The following SNX16 variants were observed in gnomAD, a reference collection of about 807,000 sequenced individuals.
The protein encoded by SNX16 is sorting nexin-16.
A neutral mutation model predicts 36.7 loss-of-function variants in SNX16; 35 were observed. The observed-to-expected ratio is 0.95, with a 90% confidence interval of 0.73 to 1.27. The LOEUF (loss-of-function observed/expected upper bound fraction) is 1.27. SNX16 is among the 50% of genes most tolerant of loss of function. The probability of loss-of-function intolerance (pLI) is 0.00; values close to 1 mark genes in which losing one functional copy is unlikely to be tolerated. For missense variants in SNX16, 367 were observed against 393.6 expected, an observed-to-expected ratio of 0.93 and a Z score of 0.57; for synonymous variants, 134 against 132.0, an observed-to-expected ratio of 1.02 and a Z score of -0.10.
intron 4 of SNX16, among the ~76,000 whole-genome samples, chr8:81,816,163 C>A (rs1810474683): frequency 2.0e-5 from 3 of 150,320 alleles, no homozygotes. Flanking sequence ...TTACAAATTT[C>A]CTTTTACAAA....
intron 5 of SNX16, among the ~76,000 whole-genome samples, chr8:81,809,945 C>T (rs1216443767): frequency 1.3e-5 from 2 of 152,050 alleles, no homozygotes; most frequent in African/African-American, 4.8e-5. Flanking sequence ...CATTGGAAGG[C>T]TATATTGATA....
At chr8:81,815,272 T>C in intron 5 of SNX16, 53 bp downstream of exon 5, 1 of 1,304,792 alleles carries the variant, frequency 7.7e-7, no homozygotes, top group South Asian at 1.4e-5. Context: ...AATGTAGTTA[T>C]TGTACTGCAT....
chr8:81,822,771 C>G (rs1810805440), intron 4 of SNX16, among the ~76,000 whole-genome samples: 1 of 151,708 alleles, frequency 6.6e-6, no homozygotes, highest in Non-Finnish European at 1.5e-5. Flanking sequence ...TTTGAGATAT[C>G]TGAAGATGTC....
chr8:81,808,373 C>T, intron 5 of SNX16: 1 of 1,308,914 alleles, frequency 7.6e-7, no homozygotes. Context: ...GTTCTGGAAA[C>T]TTTGGTGGTG....
chr8:81,821,618 G>A (rs1810747041), intron 4 of SNX16, among the ~76,000 whole-genome samples: 1 of 151,660 alleles, frequency 6.6e-6, no homozygotes. Flanking sequence ...CTTTTGAGAT[G>A]TAATATATAT....
intron 4 of SNX16, among the ~76,000 whole-genome samples, chr8:81,815,911 C>T (rs1810463959): frequency 6.6e-6 from 1 of 152,134 alleles, no homozygotes; most frequent in South Asian, 2.1e-4. Flanking sequence ...AAAATTCTAA[C>T]CATCCTATCT....
intron 4 of SNX16, 55 bp downstream of exon 4, chr8:81,823,737 T>G: frequency 6.9e-7 from 1 of 1,451,990 alleles, no homozygotes; most frequent in Middle Eastern, 2.4e-4. Flanking sequence ...TATTCTTTAA[T>G]TTACGCCAGT....
chr8:81,827,705 A>G (rs1470293899), intron 3 of SNX16, among the ~76,000 whole-genome samples: 1 of 152,168 alleles, frequency 6.6e-6, no homozygotes, highest in Non-Finnish European at 1.5e-5. Flanking sequence ...AGTGGCAGAA[A>G]AATTTGGCAG....
At chr8:81,802,185 C>A (rs1194532226) in intron 7 of SNX16, among the ~76,000 whole-genome samples, 195 bp downstream of exon 7, 6 of 151,546 alleles carry the variant, frequency 4.0e-5, no homozygotes, top group African/African-American at 1.5e-4. Context: ...GTCAAAGACA[C>A]TTTTTATTTT....
intron 3 of SNX16, among the ~76,000 whole-genome samples, chr8:81,827,942 C>G (rs1332609384): frequency 6.6e-6 from 1 of 152,172 alleles, no homozygotes; most frequent in African/African-American, 2.4e-5. Context: ...GAACTGCTTG[C>G]TTCTTTTAGA....
chr8:81,825,249 CT>C (rs1810958011), intron 3 of SNX16, among the ~76,000 whole-genome samples: 1 of 152,178 alleles, frequency 6.6e-6, no homozygotes, highest in Non-Finnish European at 1.5e-5. Context: ...ACTAAACATA[CT>C]GCTGTGGCCA....
intron 5 of SNX16, 110 bp from the exon 6 acceptor site, chr8:81,803,338 A>T: frequency 4.7e-6 from 5 of 1,071,776 alleles, no homozygotes; most frequent in Non-Finnish European, 6.5e-6. Context: ...GAACACAGAT[A>T]ATCAAAATAA....
intron 2 of SNX16, among the ~76,000 whole-genome samples, chr8:81,838,659 G>T (rs375946568): frequency 1.3e-5 from 2 of 150,622 alleles, no homozygotes; most frequent in South Asian, 4.2e-4. Context: ...AAATGTGAAA[G>T]GTCCAACAAT....
chr8:81,813,932 T>C (rs1034454092), intron 5 of SNX16, among the ~76,000 whole-genome samples: 12 of 151,998 alleles, frequency 7.9e-5, no homozygotes, highest in African/African-American at 2.7e-4. Context: ...CAAATGTTTG[T>C]GAGGACATAG....
Position 81,815,349 on chromosome 8 carries a change from T to C in SNX16, c.657A>G (p.Pro219=), listed in dbSNP as rs767707478. 5.6e-6 allele frequency: 9 copies of C among 1,612,784 alleles called. No individual in the cohort carries two copies. Among genetic ancestry groups the C allele is most frequent in the African/African-American group, 2.7e-5 (2 of 74,982 alleles). The change falls in exon 5 of 8, where the codon CCA becomes CCG. Residue 219 remains proline, a synonymous_variant. Coordinates refer to ENST00000345957, the MANE Select transcript of SNX16 (RefSeq NM_152836.3). The part of the protein sequence containing the change: ...EFLCLDDPPG[P]FDSLEESRAF... ...CCCTGCTTTCTTCTAGGCTATCAAA[T>C]GGACCCGGTGGATCATCCAAACAAA...
chr8:81,829,521 G>T lies in SNX16; in HGVS notation c.376-5C>A. 3 of 1,274,318 alleles carry T rather than the reference G, an allele frequency of 2.4e-6. No homozygotes were observed. Among genetic ancestry groups the T allele is most frequent in the Non-Finnish European group, 3.1e-6 (3 of 959,830 alleles). 78.9% of individuals were successfully genotyped at this position (1,274,318 alleles called of 1,614,324 possible). A position where few individuals can be genotyped will look rare whatever the true frequency, so the allele number is the denominator to read the frequency against. ...CTTTACTAGTATTTTATATACCTAT[G>T]CACAGGAAGAAAAACAGACGGAGAG... On this transcript the variant is annotated splice_region_variant and splice_polypyrimidine_tract_variant and intron_variant, in intron 2 of 7. Transcript: ENST00000345957.
rs1809645667 is a variant in SNX16, at chr8:81,800,692, TTAGA to T, written c.*801_*804del. 6.6e-6 allele frequency: 1 copy of T among 152,220 alleles called. No homozygotes were observed. 9.4% of individuals were successfully genotyped at this position (152,220 alleles called of 1,614,324 possible). A position where few individuals can be genotyped will look rare whatever the true frequency, so the allele number is the denominator to read the frequency against. ...CTTTTTTGTATAAGCCCCTATTTATTTAGAATCTATATTTTCGAAAGAATATGCC... is the reference window on the plus strand; with the variant it reads ...CTTTTTTGTATAAGCCCCTATTTATTATCTATATTTTCGAAAGAATATGCC... On this transcript the variant is annotated 3_prime_UTR_variant, in exon 8 of 8. Transcript: ENST00000345957.
At chr8:81,805,524 T>C (rs1221337543) in intron 5 of SNX16, among the ~76,000 whole-genome samples, 2 of 152,128 alleles carry the variant, frequency 1.3e-5, no homozygotes, top group Non-Finnish European at 2.9e-5. Flanking sequence ...ACTATTAAAA[T>C]ACACCAAATC....
At chr8:81,803,514 T>C (rs537400640) in intron 5 of SNX16, among the ~76,000 whole-genome samples, 105 of 152,112 alleles carry the variant, frequency 6.9e-4, no homozygotes, top group Middle Eastern at 3.4e-3. Context: ...ATCCCTCTAG[T>C]GTAGAACTGG....
Sources: gnomAD v4.1 joint callset for allele counts (sites outside exome capture counted in the v4.1 genomes callset) on GRCh38, gnomAD v4.1.1 for gene constraint, MANE v1.5 for transcripts, NCBI Gene and HGNC (gene_info 2026-07-23, HGNC 2026-07-21) for gene names.